TXNRD1: variants seen among roughly 807,000 people sequenced by gnomAD.
TXNRD1 encodes the protein thioredoxin reductase 1, also known as thioredoxin reductase 1, cytoplasmic.
In TXNRD1, 57 loss-of-function variants were observed where a neutral mutation model predicts 80.3. That is an observed-to-expected ratio of 0.71 (90% CI 0.57 to 0.89). TXNRD1 has a LOEUF of 0.89. TXNRD1 is among the 40% of genes least tolerant of loss of function. TXNRD1 has a pLI of 0.00. For synonymous variants in TXNRD1, 291 were observed against 285.2 expected (o/e 1.02, Z -0.20); for missense variants, 730 against 803.0 (o/e 0.91, Z 1.10).
intron 16 of TXNRD1, among the ~76,000 whole-genome samples, chr12:104,346,819 G>A (rs1156679108): frequency 6.6e-6 from 1 of 152,190 alleles, no homozygotes; most frequent in Non-Finnish European, 1.5e-5. Flanking sequence ...TATTGGCCAG[G>A]CACAGTGGCT....
At position 104,258,117 on chromosome 12, in the gene TXNRD1, CTG is replaced by C. The variant is rs781437581; in HGVS notation, c.304+40_304+41del. ...TTAATATGTAAATCATAGCTGCTGA[CTG>C]TACATTTTATCTCATTTATTCTATC... On this transcript the variant is annotated intron_variant, in intron 3 of 16. Transcript: ENST00000525566. The C allele has an allele frequency of 3.5e-4, 493 of 1,410,036 alleles. 2 individuals carry two copies. The highest frequency in any genetic ancestry group is 2.0e-3 in the South Asian group (152 of 77,608). 87.3% of individuals were successfully genotyped at this position (1,410,036 alleles called of 1,614,324 possible).
At chr12:104,265,971 AAAG>A in intron 3 of TXNRD1, 1 of 614,604 alleles carries the variant, frequency 1.6e-6, no homozygotes, top group South Asian at 2.2e-5. Flanking sequence ...AAAAAAAAGA[AAAG>A]AAATAATAAT....
chr12:104,302,636 C>T (rs2034682723), intron 4 of TXNRD1, among the ~76,000 whole-genome samples: 1 of 152,048 alleles, frequency 6.6e-6, no homozygotes, highest in South Asian at 2.1e-4. Context: ...ACTATAGGCG[C>T]CTGCCACCGC....
In TXNRD1 at chr12:104,339,058, G is replaced by A. The variant is rs2036238029; in HGVS notation, c.1747-81G>A. On this transcript the variant is annotated intron_variant, in intron 15 of 16. Coordinates refer to ENST00000525566, the MANE Select transcript of TXNRD1 (RefSeq NM_001093771.3). ...GAGTTGGATTTTTAAGAAACAGACT[G>A]GAGAAATGCTCTAAGCTGTGTAGGA... 1.9e-6 allele frequency: 3 copies of A among 1,549,632 alleles called. No individual in the cohort carries two copies. The Middle Eastern group carries it at 5.2e-4, about 271-fold the overall frequency.
At chr12:104,273,205 G>T (rs559293574) in intron 3 of TXNRD1, among the ~76,000 whole-genome samples, 1 of 152,136 alleles carries the variant, frequency 6.6e-6, no homozygotes, top group African/African-American at 2.4e-5. Context: ...GACTGTGGGC[G>T]TGGAGCCGGC....
intron 1 of TXNRD1, among the ~76,000 whole-genome samples, chr12:104,232,581 T>G (rs559938656): frequency 1.3e-5 from 2 of 151,798 alleles, no homozygotes; most frequent in East Asian, 3.9e-4. Flanking sequence ...GTGACGTTCT[T>G]TACTGACCAC....
At chr12:104,216,519 A>G (rs1349760908) in intron 1 of TXNRD1, among the ~76,000 whole-genome samples, 1 of 152,262 alleles carries the variant, frequency 6.6e-6, no homozygotes, top group Non-Finnish European at 1.5e-5. Flanking sequence ...GGATAATGCC[A>G]ATAATGGCTA....
intron 3 of TXNRD1, chr12:104,265,387 C>T (rs2033457850): frequency 3.1e-6 from 5 of 1,607,312 alleles, no homozygotes; most frequent in Non-Finnish European, 4.2e-6. Flanking sequence ...CACGCCGCCC[C>T]TCTACCGCAT....
intron 16 of TXNRD1, among the ~76,000 whole-genome samples, chr12:104,343,873 G>A (rs1248869398): frequency 6.6e-6 from 1 of 151,842 alleles, no homozygotes; most frequent in Non-Finnish European, 1.5e-5. Flanking sequence ...GGAGGCCAAG[G>A]TGGGCAGATC....
chr12:104,267,297 T>C (rs1199817081), intron 3 of TXNRD1, among the ~76,000 whole-genome samples: 2 of 151,168 alleles, frequency 1.3e-5, no homozygotes, highest in Non-Finnish European at 2.9e-5. Flanking sequence ...TTTCTGTCTG[T>C]CTGTCTGTCT....
intron 3 of TXNRD1, 96 bp downstream of exon 3, chr12:104,258,175 A>G: frequency 4.2e-6 from 4 of 960,394 alleles, no homozygotes; most frequent in Non-Finnish European, 6.2e-6. Flanking sequence ...TGAGGTTTTT[A>G]TTGTTTAGTG....
At chr12:104,299,055 T>C (rs2034526500) in intron 4 of TXNRD1, among the ~76,000 whole-genome samples, 1 of 152,234 alleles carries the variant, frequency 6.6e-6, no homozygotes, top group South Asian at 2.1e-4. Context: ...GTCAGCTCTC[T>C]GTATTCACCG....
chr12:104,256,795 A>G (rs1320064843), intron 2 of TXNRD1, among the ~76,000 whole-genome samples: 6 of 149,450 alleles, frequency 4.0e-5, no homozygotes, highest in Admixed American at 6.7e-5. Context: ...AAAAAAAGAA[A>G]AAGAAAAAGA....
chr12:104,241,448 G>T (rs1203420300), intron 1 of TXNRD1, among the ~76,000 whole-genome samples: 1 of 151,904 alleles, frequency 6.6e-6, no homozygotes, highest in South Asian at 2.1e-4. Context: ...TCGGCTCACC[G>T]CAAACTTCGC....
chr12:104,290,721 AT>A, intron 4 of TXNRD1, among the ~76,000 whole-genome samples: 1 of 6,040 alleles, frequency 1.7e-4, no homozygotes, highest in African/African-American at 6.6e-4. Flanking sequence ...AGAAATATAC[AT>A]ATATATATAT....
At chr12:104,339,056 C>T in intron 15 of TXNRD1, 83 bp from the exon 16 acceptor site, 1 of 1,541,684 alleles carries the variant, frequency 6.5e-7, no homozygotes, top group Non-Finnish European at 8.8e-7. Context: ...AAGAAACAGA[C>T]TGGAGAAATG....
chr12:104,267,799 TTTCC>T (rs1217006695), intron 3 of TXNRD1, among the ~76,000 whole-genome samples: 41 of 141,048 alleles, frequency 2.9e-4, no homozygotes, highest in African/African-American at 5.0e-4. Flanking sequence ...TCCTTCCTTC[TTTCC>T]TTCCTTCCTT....
intron 3 of TXNRD1, among the ~76,000 whole-genome samples, chr12:104,259,752 T>C (rs1229796106): frequency 6.6e-6 from 1 of 151,842 alleles, no homozygotes; most frequent in East Asian, 2.0e-4. Context: ...CCTCCCAAAG[T>C]GCTGAGATTA....
chr12:104,253,418 C>T (rs1346114198), intron 2 of TXNRD1, among the ~76,000 whole-genome samples: 2 of 151,590 alleles, frequency 1.3e-5, no homozygotes, highest in East Asian at 3.9e-4. Flanking sequence ...GGGTTTAGCT[C>T]AACTGAGGGC....
Sources: allele counts gnomAD v4.1 joint callset (sites outside exome capture counted in the v4.1 genomes callset), GRCh38; gene constraint gnomAD v4.1.1; transcripts MANE v1.5; gene names NCBI Gene and HGNC (gene_info 2026-07-23, HGNC 2026-07-21).